Variants in FAAH2 observed in about 807,000 individuals in gnomAD.
The protein encoded by FAAH2 is fatty-acid amide hydrolase 2.
Under a neutral mutation model 36.9 loss-of-function variants are expected in FAAH2, and 60 were observed. The ratio of observed to expected loss-of-function variants is 1.63; its 90% CI spans 1.32 to 2.02. The LOEUF (loss-of-function observed/expected upper bound fraction) is 2.02, where lower values mean the gene tolerates loss of function less well. Ranked by LOEUF, FAAH2 falls within the 30% of genes most tolerant of loss-of-function variation. The pLI, the probability that FAAH2 is intolerant of heterozygous loss-of-function variation, is 0.00. For missense variants in FAAH2, 689 were observed against 397.5 expected (o/e 1.73, Z -6.23); for synonymous variants, 214 against 143.8 (o/e 1.49, Z -3.49).
intron 7 of FAAH2, chrX:57,393,725 G>A (rs2055223151): frequency 9.9e-7 from 1 of 1,012,727 alleles, no homozygotes. Flanking sequence ...AGTGGTGAGA[G>A]CCAGGACAGC....
At chrX:57,209,237 A>G in the FAAH2 span, among the ~76,000 whole-genome samples, 11 of 111,690 alleles carry the variant, frequency 9.8e-5, no homozygotes, top group Admixed American at 1.9e-4. Flanking sequence ...ACTTTTATCA[A>G]GGGGAACAGA....
At chrX:57,285,830 G>A (rs2051802573), upstream of FAAH2, among the ~76,000 whole-genome samples, 1 of 111,728 alleles carries the variant, frequency 9.0e-6, no homozygotes. Context: ...TGGCAGGGGT[G>A]TAATATTGTC....
chrX:57,175,538 T>G, the FAAH2 span, among the ~76,000 whole-genome samples: 1 of 112,128 alleles, frequency 8.9e-6, no homozygotes, highest in Admixed American at 9.5e-5. Context: ...CCTGTATCTT[T>G]TAAGTGGAGC....
At chrX:57,399,014 T>C (rs2055369071) in intron 7 of FAAH2, among the ~76,000 whole-genome samples, 1 of 111,419 alleles carries the variant, frequency 9.0e-6, no homozygotes, top group Admixed American at 9.6e-5. Context: ...AGGGGTGCCT[T>C]TGATGTTATC....
At chrX:57,201,156 C>T in the FAAH2 span, among the ~76,000 whole-genome samples, 1 of 109,320 alleles carries the variant, frequency 9.1e-6, no homozygotes, top group Admixed American at 9.8e-5. Context: ...GGCACGGTGG[C>T]TCATGCCTGT....
At chrX:57,183,386 C>G in the FAAH2 span, among the ~76,000 whole-genome samples, 1 of 109,707 alleles carries the variant, frequency 9.1e-6, no homozygotes, top group Non-Finnish European at 1.9e-5. Context: ...TCAATCAAAT[C>G]AAATTATACG....
the FAAH2 span, among the ~76,000 whole-genome samples, chrX:57,159,943 T>G: frequency 9.0e-6 from 1 of 111,638 alleles, no homozygotes; most frequent in Non-Finnish European, 1.9e-5. Flanking sequence ...CTTCCAGTTT[T>G]TGCCCATGCA....
intron 2 of FAAH2, among the ~76,000 whole-genome samples, chrX:57,306,099 A>G (rs965590986): frequency 3.6e-5 from 4 of 112,013 alleles, no homozygotes; most frequent in Non-Finnish European, 7.5e-5. Flanking sequence ...CTGAATTGGC[A>G]ACTGAAAGCT....
chrX:57,193,684 A>G, the FAAH2 span, among the ~76,000 whole-genome samples: 7 of 111,911 alleles, frequency 6.3e-5, no homozygotes, highest in Non-Finnish European at 1.1e-4. Flanking sequence ...TAGGGAAAAT[A>G]GAAAAGAACC....
intron 7 of FAAH2, 97 bp downstream of exon 7, chrX:57,381,126 GCATACGGAATTAA>G (rs2054835831): frequency 1.6e-6 from 1 of 616,110 alleles, no homozygotes; most frequent in Non-Finnish European, 2.5e-6. Context: ...TTCTGTGTCA[GCATACGGAATTAA>G]GGTTTTCAGA....
intron 10 of FAAH2, among the ~76,000 whole-genome samples, chrX:57,486,244 A>G (rs1221291293): frequency 9.0e-6 from 1 of 111,567 alleles, no homozygotes; most frequent in Non-Finnish European, 1.9e-5. Context: ...CACATTAGGT[A>G]CTTCCTTTCA....
At chrX:57,433,970 C>A (rs2056357527) in intron 8 of FAAH2, among the ~76,000 whole-genome samples, 1 of 111,157 alleles carries the variant, frequency 9.0e-6, no homozygotes, top group Admixed American at 9.6e-5. Flanking sequence ...ATAACACTCT[C>A]AAATTAAAAC....
At chrX:57,211,325 T>G in the FAAH2 span, among the ~76,000 whole-genome samples, 2 of 111,628 alleles carry the variant, frequency 1.8e-5, no homozygotes, top group Non-Finnish European at 3.8e-5. Flanking sequence ...CACTCGTCTC[T>G]GGAACACTAC....
At chrX:57,428,900 G>A (rs1039989929) in intron 7 of FAAH2, among the ~76,000 whole-genome samples, 2 of 112,051 alleles carry the variant, frequency 1.8e-5, no homozygotes, top group African/African-American at 6.5e-5. Context: ...TTAAACTAAA[G>A]TGCTTCTTTA....
At chrX:57,212,251 G>A in the FAAH2 span, among the ~76,000 whole-genome samples, 24 of 112,040 alleles carry the variant, frequency 2.1e-4, no homozygotes, top group South Asian at 7.8e-3. Flanking sequence ...AAAAAAAGTA[G>A]TGACTGTTAC....
At chrX:57,207,711 C>T in the FAAH2 span, among the ~76,000 whole-genome samples, 12 of 112,464 alleles carry the variant, frequency 1.1e-4, no homozygotes, top group East Asian at 3.4e-3. Context: ...TGTACTTGCA[C>T]CCCTTTTAAA....
At chrX:57,232,896 G>T in the FAAH2 span, among the ~76,000 whole-genome samples, 6 of 112,394 alleles carry the variant, frequency 5.3e-5, no homozygotes, top group East Asian at 1.7e-3. Context: ...CTACCAGGGA[G>T]ATCTGTTACA....
intron 3 of FAAH2, among the ~76,000 whole-genome samples, chrX:57,315,174 C>T (rs1038050711): frequency 6.3e-5 from 7 of 110,882 alleles, no homozygotes; most frequent in African/African-American, 2.3e-4. Flanking sequence ...GTAAATATTC[C>T]TGGAAACACA....
At chrX:57,457,142 A>G (rs2056876692) in intron 10 of FAAH2, among the ~76,000 whole-genome samples, 1 of 112,035 alleles carries the variant, frequency 8.9e-6, no homozygotes, top group Non-Finnish European at 1.9e-5. Context: ...AGGTTGATTC[A>G]CCATACAGAA....
Sources: allele counts gnomAD v4.1 joint callset (sites outside exome capture counted in the v4.1 genomes callset), GRCh38; gene constraint gnomAD v4.1.1; transcripts MANE v1.5; gene names NCBI Gene and HGNC (gene_info 2026-07-23, HGNC 2026-07-21).